Variants in ABCC4 observed in about 807,000 individuals in gnomAD.
The protein encoded by ABCC4 is ATP binding cassette subfamily C member 4 (PEL blood group), also known as ATP-binding cassette sub-family C member 4.
A neutral mutation model predicts 168.5 loss-of-function variants in ABCC4; 102 were observed. The ratio of observed to expected loss-of-function variants is 0.61; its 90% CI spans 0.52 to 0.71. ABCC4 has a LOEUF of 0.71. Ranked by LOEUF, ABCC4 falls within the 30% of genes least tolerant of loss-of-function variation. The pLI, the probability that ABCC4 is intolerant of heterozygous loss-of-function variation, is 0.00. For synonymous variants in ABCC4, 617 were observed against 590.7 expected, an observed-to-expected ratio of 1.04 and a Z score of -0.65; for missense variants, 1,402 against 1,605.8, an observed-to-expected ratio of 0.87 and a Z score of 2.17.
chr13:95,031,404 G>A (rs1227793961), intron 30 of ABCC4, among the ~76,000 whole-genome samples: 1 of 152,116 alleles, frequency 6.6e-6, no homozygotes, highest in Non-Finnish European at 1.5e-5. Context: ...CGCTACTTAG[G>A]GGAAGACATC....
chr13:95,029,513 G>T (rs948655784), intron 30 of ABCC4, among the ~76,000 whole-genome samples: 1 of 151,964 alleles, frequency 6.6e-6, no homozygotes, highest in Non-Finnish European at 1.5e-5. Flanking sequence ...GGGCAGGTGT[G>T]GCAGAGTGAC....
chr13:95,290,997 CA>C (rs762030761), intron 1 of ABCC4, among the ~76,000 whole-genome samples: 4 of 36,424 alleles, frequency 1.1e-4, no homozygotes, highest in Admixed American at 1.0e-3. Context: ...GACCCTGTCT[CA>C]AAAAAAAAAA....
In ABCC4 at chr13:95,083,223, A is replaced by C. The variant is rs2034154498; in HGVS notation, c.2603T>G (p.Leu868Trp). Reference sequence around the variant, plus strand: ...AATGAAAATGATTCCAAGGGGAACCAAGGGTATTGCGATCCAAGGAATCAC... The same window carrying C: ...AATGAAAATGATTCCAAGGGGAACCCAGGGTATTGCGATCCAAGGAATCAC... ...VAVIPWIAIP[L>W]VPLGIIFIFL... The change falls in exon 21 of 31, where the codon TTG (leucine) becomes TGG (tryptophan). Residue 868 changes from leucine to tryptophan, a missense_variant. Leu to Trp is a moderately conservative substitution (Grantham distance 61, BLOSUM62 -2). Coordinates refer to ENST00000645237, the MANE Select transcript of ABCC4 (RefSeq NM_005845.5). 1 of 1,613,992 alleles carries C rather than the reference A, an allele frequency of 6.2e-7. No individual in the cohort carries two copies. The highest frequency in any genetic ancestry group is 8.5e-7 in the Non-Finnish European group (1 of 1,179,988).
At chr13:95,234,894 T>C in intron 3 of ABCC4, 60 bp from the exon 4 acceptor site, 1 of 1,210,134 alleles carries the variant, frequency 8.3e-7, no homozygotes, top group Non-Finnish European at 1.1e-6. Context: ...TTTTTTCTTT[T>C]TACTTTCTCT....
In ABCC4 at chr13:95,207,823, T is replaced by G. The variant is rs765230175; in HGVS notation, c.888A>C (p.Ser296=). ...IKMYAWEKSF[S]NLITNLRKKE... ...ACTTTCTCAAATTGGTAATAAGATT[T>G]GAAAATGACTTTTCCCAGGCGTACA... Residue 296 remains serine, a synonymous_variant, in exon 7 of 31, where the codon TCA becomes TCC. Transcript: ENST00000645237. 1.9e-6 allele frequency: 3 copies of G among 1,613,210 alleles called. No individual in the cohort carries two copies. The highest frequency in any genetic ancestry group is 2.5e-6 in the Non-Finnish European group (3 of 1,179,662).
chr13:95,267,833 C>G (rs767961424), intron 1 of ABCC4, among the ~76,000 whole-genome samples: 1 of 152,176 alleles, frequency 6.6e-6, no homozygotes, highest in Admixed American at 6.5e-5. Context: ...GATGAGAGGG[C>G]TGGGCTTGGA....
chr13:95,117,622 G>C (rs561833193), intron 19 of ABCC4, among the ~76,000 whole-genome samples: 5 of 152,106 alleles, frequency 3.3e-5, no homozygotes, highest in African/African-American at 1.2e-4. Context: ...TCATCTCAGT[G>C]TATCAATACC....
intron 19 of ABCC4, among the ~76,000 whole-genome samples, chr13:95,136,648 A>G (rs1291118169): frequency 2.6e-5 from 4 of 152,186 alleles, no homozygotes; most frequent in African/African-American, 4.8e-5. Flanking sequence ...TACAAATAGC[A>G]TGCTAACTCG....
intron 19 of ABCC4, among the ~76,000 whole-genome samples, chr13:95,153,985 T>C (rs1312946778): frequency 6.7e-6 from 1 of 149,942 alleles, no homozygotes; most frequent in African/African-American, 2.5e-5. Flanking sequence ...CATTGTTATG[T>C]GAAAAAAACA....
chr13:95,050,290 A>G (rs538402087), intron 27 of ABCC4, among the ~76,000 whole-genome samples: 1 of 152,336 alleles, frequency 6.6e-6, no homozygotes, highest in Middle Eastern at 3.4e-3. Context: ...GAATGCCCCC[A>G]GCCTCCATCA....
At chr13:95,233,247 T>C (rs2039673673) in intron 4 of ABCC4, among the ~76,000 whole-genome samples, 1 of 151,714 alleles carries the variant, frequency 6.6e-6, no homozygotes, top group African/African-American at 2.4e-5. Flanking sequence ...GTACATTATA[T>C]AATGTATATT....
At chr13:95,186,330 C>T (rs775490113) in intron 11 of ABCC4, among the ~76,000 whole-genome samples, 6 of 152,064 alleles carry the variant, frequency 3.9e-5, no homozygotes, top group Non-Finnish European at 5.9e-5. Context: ...AGGGGAGAGA[C>T]GGAGTTGAAT....
intron 25 of ABCC4, among the ~76,000 whole-genome samples, chr13:95,068,778 G>A (rs1414500355): frequency 7.9e-5 from 12 of 152,182 alleles, no homozygotes; most frequent in African/African-American, 2.9e-4. Context: ...GAGGTTTGTA[G>A]ATAATTCATA....
intron 19 of ABCC4, among the ~76,000 whole-genome samples, chr13:95,137,623 C>A (rs979997636): frequency 6.6e-6 from 1 of 152,110 alleles, no homozygotes; most frequent in African/African-American, 2.4e-5. Context: ...TCAAATGCAG[C>A]CCCACAGGAA....
At chr13:95,254,189 C>T (rs1039155360) in intron 1 of ABCC4, among the ~76,000 whole-genome samples, 6 of 152,220 alleles carry the variant, frequency 3.9e-5, no homozygotes, top group African/African-American at 1.2e-4. Context: ...TGAGCCACTG[C>T]GCCTGGCCTA....
chr13:95,170,995 C>T (rs935237909), intron 13 of ABCC4, among the ~76,000 whole-genome samples: 6 of 151,860 alleles, frequency 4.0e-5, no homozygotes, highest in South Asian at 2.1e-4. Flanking sequence ...CGTAACGACG[C>T]GGCATTTTTC....
chr13:95,295,288 G>A lies in ABCC4; in HGVS notation c.74+5953C>T, dbSNP rs1328894254. Among the ~76,000 whole-genome samples the A allele has an allele frequency of 2.6e-5, 4 of 152,140 alleles. No homozygotes were observed. In the South Asian group the frequency reaches 6.2e-4, roughly 24 times the overall value. On this transcript the variant is annotated intron_variant, in intron 1 of 30. Coordinates refer to ENST00000645237, the MANE Select transcript of ABCC4 (RefSeq NM_005845.5). ...GTCAGCACTTTGGGAGGCCAAGGCG[G>A]GAGAATCACTTGAAGCCAAGAGTTT...
chr13:95,033,114 C>T (rs1383436688), intron 30 of ABCC4, among the ~76,000 whole-genome samples: 1 of 151,848 alleles, frequency 6.6e-6, no homozygotes, highest in Non-Finnish European at 1.5e-5. Flanking sequence ...GGATTACAGG[C>T]AATCGCCACT....
At chr13:95,156,388 C>T (rs2036855179) in intron 19 of ABCC4, among the ~76,000 whole-genome samples, 1 of 152,144 alleles carries the variant, frequency 6.6e-6, no homozygotes, top group Non-Finnish European at 1.5e-5. Flanking sequence ...TGAAATACTG[C>T]AGATCATGCT....
Sources: gnomAD v4.1 joint callset for allele counts (sites outside exome capture counted in the v4.1 genomes callset) on GRCh38, gnomAD v4.1.1 for gene constraint, MANE v1.5 for transcripts, NCBI Gene and HGNC (gene_info 2026-07-23, HGNC 2026-07-21) for gene names.